Variants in CDH13 observed in about 807,000 individuals in gnomAD.
CDH13 encodes the protein cadherin-13.
CDH13 carries 24 observed loss-of-function variants against 63.8 expected under a neutral mutation model. The observed-to-expected ratio is 0.38, with a 90% confidence interval of 0.27 to 0.53. CDH13 has a LOEUF of 0.53. Among genes scored for constraint, CDH13 ranks in the 20% least tolerant of loss-of-function variants. The pLI is 0.85. For synonymous variants in CDH13, 503 were observed against 355.3 expected, an observed-to-expected ratio of 1.42 and a Z score of -4.67; for missense variants, 1,049 against 903.1, an observed-to-expected ratio of 1.16 and a Z score of -2.07.
chr16:82,899,673 G>A (rs1443098693), intron 2 of CDH13, among the ~76,000 whole-genome samples: 1 of 152,042 alleles, frequency 6.6e-6, no homozygotes, highest in East Asian at 1.9e-4. Flanking sequence ...GAGCATTTTT[G>A]CACTGGTTTA....
At chr16:82,802,571 G>A (rs991144987) in intron 1 of CDH13, among the ~76,000 whole-genome samples, 1 of 152,182 alleles carries the variant, frequency 6.6e-6, no homozygotes, top group African/African-American at 2.4e-5. Flanking sequence ...CATGATGTGA[G>A]TAGGTGTGCC....
At chr16:83,185,767 G>A (rs1173012623) in intron 4 of CDH13, among the ~76,000 whole-genome samples, 1 of 152,140 alleles carries the variant, frequency 6.6e-6, no homozygotes, top group East Asian at 1.9e-4. Context: ...TAATTACCAG[G>A]AACAGAATCA....
intron 10 of CDH13, among the ~76,000 whole-genome samples, chr16:83,700,102 C>T (rs889748555): frequency 6.6e-6 from 1 of 152,150 alleles, no homozygotes; most frequent in Non-Finnish European, 1.5e-5. Context: ...TACCTCAGCC[C>T]CAGGCAACCA....
At chr16:83,071,563 G>T (rs905705478) in intron 3 of CDH13, among the ~76,000 whole-genome samples, 1 of 152,162 alleles carries the variant, frequency 6.6e-6, no homozygotes, top group African/African-American at 2.4e-5. Flanking sequence ...AGGAAGGGAG[G>T]CTTGTTCACT....
intron 2 of CDH13, among the ~76,000 whole-genome samples, chr16:83,001,694 C>A (rs1460320679): frequency 6.6e-6 from 1 of 152,156 alleles, no homozygotes; most frequent in Non-Finnish European, 1.5e-5. Flanking sequence ...TTCTGTGTGA[C>A]CATTTACACC....
intron 5 of CDH13, among the ~76,000 whole-genome samples, chr16:83,240,528 GA>G (rs1307199842): frequency 6.6e-6 from 1 of 152,020 alleles, no homozygotes. Context: ...GGCCAAGGTG[GA>G]GGTGATAAAA....
At chr16:82,748,630 A>G (rs562709229) in intron 1 of CDH13, among the ~76,000 whole-genome samples, 3 of 152,172 alleles carry the variant, frequency 2.0e-5, no homozygotes, top group Non-Finnish European at 4.4e-5. Flanking sequence ...AAAACTCTAA[A>G]CTCTGTTAAT....
At chr16:82,690,223 T>C (rs923042485) in intron 1 of CDH13, among the ~76,000 whole-genome samples, 2 of 143,924 alleles carry the variant, frequency 1.4e-5, no homozygotes, top group African/African-American at 5.2e-5. Context: ...TGGGGTGGGG[T>C]TGGTGGAGGG....
intron 3 of CDH13, among the ~76,000 whole-genome samples, chr16:83,118,872 G>A (rs2035434693): frequency 6.6e-6 from 1 of 152,046 alleles, no homozygotes; most frequent in Admixed American, 6.6e-5. Context: ...CTGCTCTCTT[G>A]CATCTTCATT....
intron 10 of CDH13, among the ~76,000 whole-genome samples, chr16:83,685,524 G>A (rs940145101): frequency 1.3e-5 from 2 of 152,182 alleles, no homozygotes; most frequent in African/African-American, 2.4e-5. Flanking sequence ...TGGGCCTGAC[G>A]CTGTGCTAGG....
At chr16:83,789,503 C>T (rs931679605) in intron 13 of CDH13, among the ~76,000 whole-genome samples, 12 of 152,066 alleles carry the variant, frequency 7.9e-5, no homozygotes, top group African/African-American at 2.9e-4. Flanking sequence ...CCTGCCACCA[C>T]GCCCAGCTAA....
intron 5 of CDH13, among the ~76,000 whole-genome samples, chr16:83,258,999 A>T (rs180885152): frequency 6.6e-6 from 1 of 152,190 alleles, no homozygotes; most frequent in African/African-American, 2.4e-5. Flanking sequence ...CTTGTGTGCT[A>T]TGTCATAAAT....
rs573210364 is a variant in CDH13 at position 82,883,359 on chromosome 16, A to T, written c.157+24886A>T. 4.5e-4 allele frequency among the ~76,000 whole-genome samples: 69 copies of T among 152,326 alleles called. 1 individual carries two copies. Among genetic ancestry groups the T allele is most frequent in the African/African-American group, 1.6e-3 (65 of 41,568 alleles). ...GCAGGAGAAAGGAAGCAGCTGTTGT[A>T]GGCAAAGCTCTCACACTTGAGTGTC... On this transcript the variant is annotated intron_variant, in intron 2 of 13. Coordinates refer to ENST00000567109, the MANE Select transcript of CDH13 (RefSeq NM_001257.5).
intron 4 of CDH13, among the ~76,000 whole-genome samples, chr16:83,175,172 C>G (rs564477488): frequency 6.6e-6 from 1 of 152,028 alleles, no homozygotes; most frequent in Admixed American, 6.6e-5. Context: ...CAGCCCTATT[C>G]TAGATGCTTT....
chr16:83,740,148 T>G (rs1911923198), intron 10 of CDH13: 1 of 152,126 alleles, frequency 6.6e-6, no homozygotes, highest in African/African-American at 2.4e-5. Flanking sequence ...GTCTGTAACT[T>G]AGGGAGGCTG....
chr16:83,496,960 G>A (rs1009105383), intron 7 of CDH13, among the ~76,000 whole-genome samples: 18 of 152,186 alleles, frequency 1.2e-4, no homozygotes, highest in Non-Finnish European at 2.5e-4. Flanking sequence ...ACCACAATGA[G>A]ATACCATCTC....
chr16:83,206,190 A>C (rs1221557618), intron 4 of CDH13, among the ~76,000 whole-genome samples: 1 of 152,176 alleles, frequency 6.6e-6, no homozygotes, highest in Non-Finnish European at 1.5e-5. Context: ...TCTGCTTCTT[A>C]ATATCACAAC....
chr16:82,829,147 T>G (rs1007226440), intron 1 of CDH13: 2 of 152,262 alleles, frequency 1.3e-5, no homozygotes, highest in African/African-American at 4.8e-5. Flanking sequence ...CAAGTCATTC[T>G]GGGTTGGCAA....
intron 2 of CDH13, among the ~76,000 whole-genome samples, chr16:82,977,192 A>G (rs1378353592): frequency 6.6e-6 from 1 of 152,166 alleles, no homozygotes; most frequent in Non-Finnish European, 1.5e-5. Context: ...TCTCTCTGGG[A>G]TTGCTAGAGA....
Sources: allele counts gnomAD v4.1 joint callset (sites outside exome capture counted in the v4.1 genomes callset), GRCh38; gene constraint gnomAD v4.1.1; transcripts MANE v1.5; gene names NCBI Gene and HGNC (gene_info 2026-07-23, HGNC 2026-07-21).